Variants in PGBD5 observed in about 807,000 individuals in gnomAD.
PGBD5 encodes piggyBac transposable element derived 5.
PGBD5 carries 14 observed loss-of-function variants against 47.9 expected under a neutral mutation model. That is an observed-to-expected ratio of 0.29 (90% CI 0.19 to 0.46). The LOEUF (loss-of-function observed/expected upper bound fraction) is 0.46, where lower values mean the gene tolerates loss of function less well. PGBD5 is among the 20% of genes least tolerant of loss of function. PGBD5 has a pLI of 1.00. For synonymous variants in PGBD5, 316 were observed against 306.3 expected, an observed-to-expected ratio of 1.03 and a Z score of -0.33; for missense variants, 635 against 716.0, an observed-to-expected ratio of 0.89 and a Z score of 1.29.
In PGBD5 at chr1:230,316,129, C is replaced by CAT; in HGVS notation, c.*7294_*7295dup. The CAT allele has an allele frequency of 1.3e-5, 2 of 150,752 alleles. 1 individual carries two copies. The highest frequency in any genetic ancestry group is 4.2e-4 in the South Asian group (2 of 4,770). The allele number at this position is 150,752 out of a possible 1,614,324, so 9.3% of individuals were successfully genotyped here. On this transcript the variant is annotated 3_prime_UTR_variant, in exon 7 of 7. Coordinates refer to ENST00000391860, the MANE Select transcript of PGBD5 (RefSeq NM_001258311.2). Reference sequence around the variant, plus strand: ...GTGTACACATATATCTATGTGTATACATACATATGTATATGTGTACACATA... The same window carrying CAT: ...GTGTACACATATATCTATGTGTATACATATACATATGTATATGTGTACACATA...
chr1:230,412,387 C>CT (rs34303231), intron 1 of PGBD5, among the ~76,000 whole-genome samples: 3,580 of 127,616 alleles, frequency 0.028, 168 homozygotes, highest in African/African-American at 0.084. Context: ...ATCCTAAAGT[C>CT]TTTTTTTTTT....
At chr1:230,369,275 T>C (rs986489123) in intron 1 of PGBD5, among the ~76,000 whole-genome samples, 2 of 152,182 alleles carry the variant, frequency 1.3e-5, no homozygotes, top group African/African-American at 4.8e-5. Flanking sequence ...AATGTCAAGG[T>C]TATACATTAG....
rs760269564 is a variant in PGBD5 at position 230,315,971 on chromosome 1, CAT to C, written c.*7452_*7453del. On this transcript the variant is annotated 3_prime_UTR_variant, in exon 7 of 7. Transcript: ENST00000391860. ...ATACATACATAAGTATATGTGTACA[CAT>C]ATATGTATGTGTATACATACATAAG... 2.9e-5 allele frequency: 4 copies of C among 137,996 alleles called. No homozygotes were observed. The highest frequency in any genetic ancestry group is 6.2e-5 in the Non-Finnish European group (4 of 64,400). The allele number at this position is 137,996 out of a possible 1,614,324, so 8.5% of individuals were successfully genotyped here. A position where few individuals can be genotyped will look rare whatever the true frequency, so the allele number is the denominator to read the frequency against.
intron 1 of PGBD5, among the ~76,000 whole-genome samples, chr1:230,371,130 C>A (rs828444): frequency 0.72 from 109,310 of 152,118 alleles, 39,708 homozygotes; most frequent in African/African-American, 0.74. Flanking sequence ...GCAAGAGAAG[C>A]AGCTCAGACA....
chr1:230,411,630 A>T (rs1429271366), intron 1 of PGBD5, among the ~76,000 whole-genome samples: 1 of 152,234 alleles, frequency 6.6e-6, no homozygotes, highest in Non-Finnish European at 1.5e-5. Context: ...CATAATTTTA[A>T]TTCCCAAACT....
At chr1:230,362,383 T>C in intron 1 of PGBD5, 2 of 1,363,542 alleles carry the variant, frequency 1.5e-6, no homozygotes, top group Non-Finnish European at 2.0e-6. Flanking sequence ...CTGGCCTGGA[T>C]GACAGACAGT....
At chr1:230,402,287 A>G (rs988503760) in intron 1 of PGBD5, among the ~76,000 whole-genome samples, 2 of 152,240 alleles carry the variant, frequency 1.3e-5, no homozygotes, top group Admixed American at 6.5e-5. Context: ...CGGCCTAGGC[A>G]GGCCCACAGA....
intron 1 of PGBD5, among the ~76,000 whole-genome samples, chr1:230,394,977 C>G (rs1330655900): frequency 7.0e-6 from 1 of 143,216 alleles, no homozygotes. Context: ...TCGTTCCCAC[C>G]TTCCTCCCTT....
At chr1:230,349,377 A>G (rs1287672154) in intron 3 of PGBD5, among the ~76,000 whole-genome samples, 2 of 152,080 alleles carry the variant, frequency 1.3e-5, no homozygotes, top group Admixed American at 1.3e-4. Flanking sequence ...AAATGAAAAT[A>G]AAAATAAATT....
At chr1:230,380,277 T>C (rs1207823083) in intron 1 of PGBD5, among the ~76,000 whole-genome samples, 4 of 152,254 alleles carry the variant, frequency 2.6e-5, no homozygotes, top group Admixed American at 2.6e-4. Context: ...AGTACTTTCA[T>C]GCCATTTTCC....
chr1:230,374,896 A>G (rs1667987211), intron 1 of PGBD5, among the ~76,000 whole-genome samples: 1 of 152,196 alleles, frequency 6.6e-6, no homozygotes, highest in Non-Finnish European at 1.5e-5. Context: ...TATTCCTTAA[A>G]TAGGAGGCCA....
At position 230,317,081 on chromosome 1, in the gene PGBD5, T is replaced by C. The variant is rs1028513682; in HGVS notation, c.*6344A>G. 2 of 152,242 alleles carry C rather than the reference T, an allele frequency of 1.3e-5. No individual in the cohort carries two copies. The highest frequency in any genetic ancestry group is 4.8e-5 in the African/African-American group (2 of 41,460). The allele number at this position is 152,242 out of a possible 1,614,324, so 9.4% of individuals were successfully genotyped here. On this transcript the variant is annotated 3_prime_UTR_variant, in exon 7 of 7. Transcript: ENST00000391860. ...TGGGGGTTGCTGAGTCCAGCAGCAA[T>C]GGTGACTGCCACCTCCCCCACACGG...
At chr1:230,367,624 G>A (rs1371216142) in intron 1 of PGBD5, among the ~76,000 whole-genome samples, 2 of 152,320 alleles carry the variant, frequency 1.3e-5, no homozygotes, top group East Asian at 3.9e-4. Flanking sequence ...CTCAAGCCCA[G>A]GAGGCTGAGG....
chr1:230,382,069 T>C (rs931031205), intron 1 of PGBD5, among the ~76,000 whole-genome samples: 1 of 148,088 alleles, frequency 6.8e-6, no homozygotes, highest in African/African-American at 2.7e-5. Context: ...CTGTTGGACG[T>C]TAGTACTGTA....
At chr1:230,348,403 G>A (rs950420744) in intron 3 of PGBD5, among the ~76,000 whole-genome samples, 1 of 152,210 alleles carries the variant, frequency 6.6e-6, no homozygotes, top group Non-Finnish European at 1.5e-5. Context: ...AGGCCCAGGG[G>A]AGAAGCCAGC....
intron 1 of PGBD5, among the ~76,000 whole-genome samples, chr1:230,392,495 T>C (rs1297041788): frequency 6.6e-6 from 1 of 152,230 alleles, no homozygotes; most frequent in Non-Finnish European, 1.5e-5. Flanking sequence ...AGCTGAGTTA[T>C]AAAGCACCCG....
chr1:230,374,374 A>G (rs1377344759), intron 1 of PGBD5, among the ~76,000 whole-genome samples: 4 of 152,204 alleles, frequency 2.6e-5, no homozygotes, highest in Non-Finnish European at 5.9e-5. Context: ...TGGAGTTCAC[A>G]CCACTGCACT....
chr1:230,397,154 T>C (rs1004097160), intron 1 of PGBD5, among the ~76,000 whole-genome samples: 32 of 152,222 alleles, frequency 2.1e-4, no homozygotes, highest in Admixed American at 1.0e-3. Context: ...CGCGCCTGCA[T>C]GCTCACACCA....
rs1666931367 is a variant in PGBD5 at position 230,315,916 on chromosome 1, G to GTGTATATGTGTATACATACATA, written c.*7508_*7509insTATGTATGTATACACATATACA. Reference sequence around the variant, plus strand: ...TTTATGTGTACACATATATGTATATGTGTATATGTGTACACATATATGTAT... The same window carrying GTGTATATGTGTATACATACATA: ...TTTATGTGTACACATATATGTATATGTGTATATGTGTATACATACATATGTATATGTGTACACATATATGTAT... On this transcript the variant is annotated 3_prime_UTR_variant, in exon 7 of 7. Coordinates refer to ENST00000391860, the MANE Select transcript of PGBD5 (RefSeq NM_001258311.2). The GTGTATATGTGTATACATACATA allele has an allele frequency of 2.1e-5, 3 of 141,300 alleles. No homozygotes were observed. The highest frequency in any genetic ancestry group is 4.5e-5 in the Non-Finnish European group (3 of 65,980). 8.8% of individuals were successfully genotyped at this position (141,300 alleles called of 1,614,324 possible).
Sources: allele counts gnomAD v4.1 joint callset (sites outside exome capture counted in the v4.1 genomes callset), GRCh38; gene constraint gnomAD v4.1.1; transcripts MANE v1.5; gene names NCBI Gene and HGNC (gene_info 2026-07-23, HGNC 2026-07-21).